LYPD6B: variants seen among roughly 807,000 people sequenced by gnomAD.
LYPD6B encodes the protein LY6/PLAUR domain containing 6B, also known as ly6/PLAUR domain-containing protein 6B.
A neutral mutation model predicts 22.8 loss-of-function variants in LYPD6B; 17 were observed. The observed-to-expected ratio is 0.75, with a 90% confidence interval of 0.51 to 1.12. The LOEUF is 1.12. Among genes scored for constraint, LYPD6B ranks in the 50% most tolerant of loss-of-function variants. The probability of loss-of-function intolerance (pLI) is 0.00; values close to 1 mark genes in which losing one functional copy is unlikely to be tolerated. For missense variants in LYPD6B, 221 were observed against 258.3 expected (o/e 0.86, Z 0.99); for synonymous variants, 106 against 91.6 (o/e 1.16, Z -0.90).
At chr2:149,062,283 G>A (rs537831441) in intron 1 of LYPD6B, among the ~76,000 whole-genome samples, 3 of 152,288 alleles carry the variant, frequency 2.0e-5, no homozygotes, top group East Asian at 3.9e-4. Context: ...CACCGCGCCC[G>A]GCAGAATCTT....
chr2:149,134,366 C>T (rs1250109752), intron 2 of LYPD6B, among the ~76,000 whole-genome samples: 3 of 152,184 alleles, frequency 2.0e-5, no homozygotes, highest in Non-Finnish European at 2.9e-5. Context: ...TGTTGTCAAG[C>T]ACCAAATTCA....
At chr2:149,044,783 C>T (rs1398768648) in intron 1 of LYPD6B, among the ~76,000 whole-genome samples, 1 of 151,888 alleles carries the variant, frequency 6.6e-6, no homozygotes, top group Non-Finnish European at 1.5e-5. Flanking sequence ...CCTTTGTACT[C>T]CTAGTTTATT....
intron 1 of LYPD6B, among the ~76,000 whole-genome samples, chr2:149,124,093 A>T (rs1365386530): frequency 6.6e-6 from 1 of 152,246 alleles, no homozygotes; most frequent in African/African-American, 2.4e-5. Context: ...ACCAAACAGC[A>T]TACTGAACTC....
At chr2:149,108,485 A>C (rs942054227) in intron 1 of LYPD6B, among the ~76,000 whole-genome samples, 3 of 152,190 alleles carry the variant, frequency 2.0e-5, no homozygotes, top group Non-Finnish European at 4.4e-5. Context: ...GCCCTCAAAT[A>C]TATACTGCCT....
At chr2:149,159,768 T>G (rs1009280895) in intron 2 of LYPD6B, among the ~76,000 whole-genome samples, 19 of 151,992 alleles carry the variant, frequency 1.3e-4, no homozygotes, top group Non-Finnish European at 2.6e-4. Flanking sequence ...CAATCTTGAG[T>G]CCAAAGAGAG....
At chr2:149,181,642 A>G (rs1691731325) in intron 3 of LYPD6B, among the ~76,000 whole-genome samples, 1 of 152,148 alleles carries the variant, frequency 6.6e-6, no homozygotes, top group Non-Finnish European at 1.5e-5. Context: ...GAAAGACTCT[A>G]ACTCAACTCC....
chr2:149,169,057 C>CA (rs1559048184), intron 3 of LYPD6B, among the ~76,000 whole-genome samples: 1 of 152,132 alleles, frequency 6.6e-6, no homozygotes, highest in Non-Finnish European at 1.5e-5. Context: ...CATATCCCCT[C>CA]AAAAAGGGTA....
chr2:149,142,839 C>T (rs1358044217), intron 2 of LYPD6B, among the ~76,000 whole-genome samples: 1 of 152,110 alleles, frequency 6.6e-6, no homozygotes, highest in Non-Finnish European at 1.5e-5. Context: ...TTTTAATCGA[C>T]TTTTTCCTTC....
At chr2:149,081,478 A>G (rs902569895) in intron 1 of LYPD6B, among the ~76,000 whole-genome samples, 2 of 152,212 alleles carry the variant, frequency 1.3e-5, no homozygotes, top group Non-Finnish European at 2.9e-5. Context: ...GATATTACTG[A>G]TATTTAATGT....
At chr2:149,201,519 A>G (rs60895451) in intron 3 of LYPD6B, among the ~76,000 whole-genome samples, 2,115 of 152,308 alleles carry the variant, frequency 0.014, 43 homozygotes, top group African/African-American at 0.048. Flanking sequence ...GTCAGCTACT[A>G]TAGTTAGTCA....
intron 1 of LYPD6B, among the ~76,000 whole-genome samples, chr2:149,095,264 C>T (rs889885408): frequency 2.6e-5 from 4 of 151,772 alleles, no homozygotes; most frequent in African/African-American, 9.7e-5. Context: ...TCATTGCACT[C>T]CAGCCTGAGA....
At chr2:149,122,819 A>G (rs1466401489) in intron 1 of LYPD6B, among the ~76,000 whole-genome samples, 1 of 152,096 alleles carries the variant, frequency 6.6e-6, no homozygotes, top group Non-Finnish European at 1.5e-5. Flanking sequence ...AGATTTTCAC[A>G]TGTTGCTTTT....
At chr2:149,096,808 A>G (rs1685923569) in intron 1 of LYPD6B, among the ~76,000 whole-genome samples, 1 of 152,236 alleles carries the variant, frequency 6.6e-6, no homozygotes, top group Non-Finnish European at 1.5e-5. Context: ...TCAAGAGCAG[A>G]AGGGAACAAA....
In LYPD6B at chr2:149,073,949, T is replaced by C. The variant is rs185810537; in HGVS notation, c.-67+35148T>C. On this transcript the variant is annotated intron_variant, in intron 1 of 6. Transcript: ENST00000409642. ...GGAGAAGGAGGACAGAAGTGATGGG[T>C]CTGGGGAAGGAAGCCTCAACAGACC... Among the ~76,000 whole-genome samples, 56 of 151,686 alleles carry C rather than the reference T, an allele frequency of 3.7e-4. No individual in the cohort carries two copies. The East Asian group carries it at 0.01, about 28-fold the overall frequency.
At chr2:149,069,458 T>C (rs1473068968) in intron 1 of LYPD6B, among the ~76,000 whole-genome samples, 1 of 151,988 alleles carries the variant, frequency 6.6e-6, no homozygotes, top group African/African-American at 2.4e-5. Context: ...ACTGGGTTGG[T>C]TAGGATTGAA....
intron 3 of LYPD6B, among the ~76,000 whole-genome samples, chr2:149,203,693 T>C (rs1039935630): frequency 6.6e-6 from 1 of 152,232 alleles, no homozygotes; most frequent in Non-Finnish European, 1.5e-5. Context: ...CTATTGTTTT[T>C]TGAAACATAC....
chr2:149,106,985 A>G (rs1686508975), intron 1 of LYPD6B, among the ~76,000 whole-genome samples: 1 of 152,130 alleles, frequency 6.6e-6, no homozygotes, highest in African/African-American at 2.4e-5. Context: ...GATAGTGCGG[A>G]ACCCTATATA....
chr2:149,148,001 T>C (rs1689142906), intron 2 of LYPD6B, among the ~76,000 whole-genome samples: 1 of 151,904 alleles, frequency 6.6e-6, no homozygotes, highest in South Asian at 2.1e-4. Flanking sequence ...ATTCTTCTTC[T>C]GTTTTCAGGA....
At chr2:149,142,970 T>C (rs1688785110) in intron 2 of LYPD6B, among the ~76,000 whole-genome samples, 1 of 152,220 alleles carries the variant, frequency 6.6e-6, no homozygotes, top group Admixed American at 6.5e-5. Context: ...GAAAAGATAG[T>C]ACAAAGAGTT....
Sources: allele counts gnomAD v4.1 joint callset (sites outside exome capture counted in the v4.1 genomes callset), GRCh38; gene constraint gnomAD v4.1.1; transcripts MANE v1.5; gene names NCBI Gene and HGNC (gene_info 2026-07-23, HGNC 2026-07-21).